Variants in TRIM9 observed in about 807,000 individuals in gnomAD.
The protein encoded by TRIM9 is tripartite motif containing 9, also known as E3 ubiquitin-protein ligase TRIM9.
Under a neutral mutation model 78.3 loss-of-function variants are expected in TRIM9, and 26 were observed. The ratio of observed to expected loss-of-function variants is 0.33; its 90% CI spans 0.24 to 0.46. TRIM9 has a LOEUF of 0.46. TRIM9 is among the 20% of genes least tolerant of loss of function. The pLI, the probability that TRIM9 is intolerant of heterozygous loss-of-function variation, is 1.00. For synonymous variants in TRIM9, 398 were observed against 416.5 expected (o/e 0.96, Z 0.54); for missense variants, 787 against 1,036.4 (o/e 0.76, Z 3.30).
intron 1 of TRIM9, among the ~76,000 whole-genome samples, chr14:51,063,185 A>T (rs549831642): frequency 6.6e-6 from 1 of 152,310 alleles, no homozygotes; most frequent in Admixed American, 6.5e-5. Flanking sequence ...AAATGGAGAT[A>T]ATAGAACAGA....
At chr14:51,008,281 G>A (rs1953888) in intron 5 of TRIM9, among the ~76,000 whole-genome samples, 4,150 of 152,258 alleles carry the variant, frequency 0.027, 89 homozygotes, top group Non-Finnish European at 0.039. Flanking sequence ...ACTGTTAAGT[G>A]TCAACTTCCT....
At chr14:51,014,385 A>G (rs2056915668) in intron 3 of TRIM9, among the ~76,000 whole-genome samples, 1 of 152,164 alleles carries the variant, frequency 6.6e-6, no homozygotes, top group Non-Finnish European at 1.5e-5. Flanking sequence ...GAAGGACTCA[A>G]TATTCTTGAG....
chr14:51,049,601 G>C (rs576381332), intron 1 of TRIM9, among the ~76,000 whole-genome samples: 1 of 152,254 alleles, frequency 6.6e-6, no homozygotes, highest in South Asian at 2.1e-4. Context: ...GCCGAGAGGG[G>C]TGGATCATGA....
At chr14:51,052,451 C>T (rs968624538) in intron 1 of TRIM9, among the ~76,000 whole-genome samples, 2 of 152,178 alleles carry the variant, frequency 1.3e-5, no homozygotes, top group East Asian at 1.9e-4. Context: ...ACAACCCCAG[C>T]CCCTGGAGTT....
intron 5 of TRIM9, among the ~76,000 whole-genome samples, chr14:51,004,978 C>T (rs1033252193): frequency 5.9e-5 from 9 of 152,200 alleles, no homozygotes; most frequent in African/African-American, 1.9e-4. Context: ...GTGTTATCTT[C>T]TCTGAAGGCT....
chr14:51,040,219 T>A (rs1003041219), intron 1 of TRIM9, among the ~76,000 whole-genome samples: 1 of 152,192 alleles, frequency 6.6e-6, no homozygotes, highest in African/African-American at 2.4e-5. Flanking sequence ...TAAATAGATA[T>A]CCACAAAATC....
At chr14:51,084,427 G>A (rs780082786) in intron 1 of TRIM9, among the ~76,000 whole-genome samples, 6 of 152,138 alleles carry the variant, frequency 3.9e-5, no homozygotes, top group Non-Finnish European at 7.4e-5. Flanking sequence ...GAAGGTAGCC[G>A]GATGACACAA....
At position 51,049,954 on chromosome 14, in the gene TRIM9, A is replaced by T. The variant is rs148641553; in HGVS notation, c.823-24594T>A. On this transcript the variant is annotated intron_variant, in intron 1 of 12. Transcript: ENST00000684578. ...GTGGCTGGAGGGGTTGGGTGCATTA[A>T]GAGTGGAAAGAAAGGAGTTCAGAGT... 3.0e-3 allele frequency among the ~76,000 whole-genome samples: 461 copies of T among 152,258 alleles called. 4 individuals are homozygous for T. Among genetic ancestry groups the T allele is most frequent in the African/African-American group, 0.011 (446 of 41,544 alleles).
intron 5 of TRIM9, among the ~76,000 whole-genome samples, chr14:51,003,308 A>T (rs968578946): frequency 6.6e-6 from 1 of 152,112 alleles, no homozygotes; most frequent in Non-Finnish European, 1.5e-5. Flanking sequence ...CCCGGGGGGT[A>T]TTTATTCTTA....
intron 1 of TRIM9, among the ~76,000 whole-genome samples, chr14:51,049,996 T>C (rs2060266818): frequency 6.6e-6 from 1 of 151,950 alleles, no homozygotes; most frequent in South Asian, 2.1e-4. Context: ...CTAAATCACA[T>C]AGGGATTTGT....
chr14:51,011,314 G>T (rs1236069517), intron 3 of TRIM9, among the ~76,000 whole-genome samples: 1 of 152,138 alleles, frequency 6.6e-6, no homozygotes, highest in East Asian at 1.9e-4. Flanking sequence ...AGAGGCATTT[G>T]TCATTTGTGT....
chr14:50,981,136 T>C (rs1349380660), intron 11 of TRIM9, among the ~76,000 whole-genome samples: 4 of 152,228 alleles, frequency 2.6e-5, no homozygotes, highest in Non-Finnish European at 5.9e-5. Flanking sequence ...AAATCCATTA[T>C]AGTATGTGTT....
At chr14:51,057,376 T>C (rs1376736167) in intron 1 of TRIM9, among the ~76,000 whole-genome samples, 1 of 152,264 alleles carries the variant, frequency 6.6e-6, no homozygotes, top group Non-Finnish European at 1.5e-5. Context: ...AGATATTTCC[T>C]TAATTTTCTT....
intron 1 of TRIM9, 132 bp downstream of exon 1, chr14:51,093,986 G>A (rs2064697976): frequency 2.4e-6 from 2 of 840,348 alleles, no homozygotes; most frequent in Non-Finnish European, 1.9e-6. Flanking sequence ...CCAGACCAGG[G>A]AGGTAAACAT....
At position 50,975,379 on chromosome 14, in the gene TRIM9, G is replaced by A. The variant is rs1358456243; in HGVS notation, c.*1912C>T. On this transcript the variant is annotated 3_prime_UTR_variant, in exon 13 of 13. Coordinates refer to ENST00000684578, the MANE Select transcript of TRIM9 (RefSeq NM_001387360.1). ...GTAAACTACATGTTACAAGTCACTA[G>A]AAATCTAATTAGCAGGATGAATTTA... 1 of 152,614 alleles carries A rather than the reference G, an allele frequency of 6.6e-6. No homozygotes were observed. Among genetic ancestry groups the A allele is most frequent in the Non-Finnish European group, 1.5e-5 (1 of 68,040 alleles). 9.5% of individuals were successfully genotyped at this position (152,614 alleles called of 1,614,324 possible).
intron 10 of TRIM9, 131 bp from the exon 11 acceptor site, chr14:50,982,234 G>T: frequency 1.9e-6 from 2 of 1,065,908 alleles, no homozygotes; most frequent in South Asian, 1.6e-5. Context: ...GGCGTCCAGG[G>T]CCAGGGCAGA....
intron 1 of TRIM9, among the ~76,000 whole-genome samples, chr14:51,048,745 A>G (rs4901073): frequency 0.49 from 73,660 of 151,806 alleles, 20,002 homozygotes; most frequent in South Asian, 0.64. Context: ...AGCACTTTGG[A>G]AGGCCGAGGC....
intron 7 of TRIM9, chr14:50,996,458 C>T (rs1311387784): frequency 1.0e-6 from 1 of 985,242 alleles, no homozygotes; most frequent in Non-Finnish European, 1.2e-6. Context: ...CTGATTTTTA[C>T]CAGAATAGTA....
At chr14:51,076,199 T>C (rs1015361461) in intron 1 of TRIM9, among the ~76,000 whole-genome samples, 3 of 152,218 alleles carry the variant, frequency 2.0e-5, no homozygotes, top group African/African-American at 7.2e-5. Context: ...AAAGACACAC[T>C]CAAGAGGAAG....
Sources: gnomAD v4.1 joint callset for allele counts (sites outside exome capture counted in the v4.1 genomes callset) on GRCh38, gnomAD v4.1.1 for gene constraint, MANE v1.5 for transcripts, NCBI Gene and HGNC (gene_info 2026-07-23, HGNC 2026-07-21) for gene names.